Variants in TTC28 observed in about 807,000 individuals in gnomAD.
TTC28 encodes tetratricopeptide repeat protein 28.
In TTC28, 61 loss-of-function variants were observed where a neutral mutation model predicts 198.0. That is an observed-to-expected ratio of 0.31 (90% confidence interval 0.25 to 0.38). TTC28 has a LOEUF of 0.38. TTC28 is among the 10% of genes least tolerant of loss of function. The pLI is 1.00. For synonymous variants in TTC28, 1,171 were observed against 1,297.8 expected (o/e 0.90, Z 2.10); for missense variants, 2,678 against 3,164.0 (o/e 0.85, Z 3.69).
At chr22:28,093,382 A>T (rs1261686967) in intron 12 of TTC28, among the ~76,000 whole-genome samples, 1 of 152,222 alleles carries the variant, frequency 6.6e-6, no homozygotes, top group Non-Finnish European at 1.5e-5. Flanking sequence ...TCTGACACAC[A>T]GATCTTCCGA....
chr22:28,559,725 T>C (rs1453306535), intron 2 of TTC28, among the ~76,000 whole-genome samples: 2 of 152,212 alleles, frequency 1.3e-5, no homozygotes, highest in Non-Finnish European at 1.5e-5. Context: ...TCTCCAGTTT[T>C]TTCTCTTACC....
chr22:28,518,637 G>A (rs1037765402), intron 2 of TTC28, among the ~76,000 whole-genome samples: 5 of 151,998 alleles, frequency 3.3e-5, no homozygotes, highest in Admixed American at 3.3e-4. Context: ...TACTATATAA[G>A]GCTAAATAAG....
intron 2 of TTC28, among the ~76,000 whole-genome samples, chr22:28,351,367 C>A (rs1019459177): frequency 2.0e-5 from 3 of 151,930 alleles, no homozygotes; most frequent in African/African-American, 7.3e-5. Flanking sequence ...AAAATACTAC[C>A]AAAACAAAAA....
intron 5 of TTC28, among the ~76,000 whole-genome samples, chr22:28,203,984 C>T (rs1310550670): frequency 6.6e-6 from 1 of 152,098 alleles, no homozygotes; most frequent in Non-Finnish European, 1.5e-5. Context: ...TTGTTAATAC[C>T]TTGATCCCAC....
chr22:28,296,377 ATGTTATTT>A, intron 4 of TTC28, 49 bp from the exon 5 acceptor site: 1 of 1,438,622 alleles, frequency 7.0e-7, no homozygotes, highest in Non-Finnish European at 9.2e-7. Context: ...CTAAGTTATA[ATGTTATTT>A]ATAACATATA....
At chr22:28,154,469 A>T (rs1943703384) in intron 6 of TTC28, among the ~76,000 whole-genome samples, 1 of 151,190 alleles carries the variant, frequency 6.6e-6, no homozygotes, top group Non-Finnish European at 1.5e-5. Context: ...CTCCTGCCTC[A>T]GCCTCTGAGT....
At chr22:28,046,881 AC>A (rs1358782398) in intron 12 of TTC28, among the ~76,000 whole-genome samples, 16 of 152,142 alleles carry the variant, frequency 1.1e-4, no homozygotes, top group Admixed American at 6.5e-5. Context: ...GTGTGTGTGC[AC>A]CTCTTTAACG....
At chr22:28,285,819 C>T (rs1003361695) in intron 5 of TTC28, among the ~76,000 whole-genome samples, 4 of 152,024 alleles carry the variant, frequency 2.6e-5, no homozygotes, top group African/African-American at 9.7e-5. Context: ...TACAAAGAGA[C>T]TTATATATGG....
intron 14 of TTC28, among the ~76,000 whole-genome samples, chr22:28,010,926 G>T (rs1198046646): frequency 6.6e-6 from 1 of 152,194 alleles, no homozygotes; most frequent in Admixed American, 6.5e-5. Flanking sequence ...ACGTGTACCA[G>T]GCCTTGTAAC....
intron 12 of TTC28, among the ~76,000 whole-genome samples, chr22:28,069,984 T>G (rs1036884220): frequency 6.6e-6 from 1 of 151,236 alleles, no homozygotes; most frequent in African/African-American, 2.4e-5. Context: ...CCCTTGTTCT[T>G]TTCCATTGTA....
At chr22:28,089,573 G>C (rs551279589) in intron 12 of TTC28, among the ~76,000 whole-genome samples, 150 of 151,368 alleles carry the variant, frequency 9.9e-4, no homozygotes, top group Middle Eastern at 3.4e-3. Flanking sequence ...TTAATGACGA[G>C]TTACTGGGTG....
At chr22:28,332,669 C>G (rs941187049) in intron 2 of TTC28, among the ~76,000 whole-genome samples, 1 of 152,036 alleles carries the variant, frequency 6.6e-6, no homozygotes, top group African/African-American at 2.4e-5. Context: ...AGCAATGAAA[C>G]AGAAATACTC....
chr22:28,009,485 C>G (rs1938053800), intron 14 of TTC28, among the ~76,000 whole-genome samples: 1 of 152,226 alleles, frequency 6.6e-6, no homozygotes. Context: ...AGCTCTGGAG[C>G]CGGCTAGCGG....
chr22:28,256,739 C>CA (rs1366914891), intron 5 of TTC28, among the ~76,000 whole-genome samples: 1 of 151,968 alleles, frequency 6.6e-6, no homozygotes, highest in African/African-American at 2.4e-5. Flanking sequence ...CAACAAAAAG[C>CA]AAAAAAACAG....
At chr22:28,152,726 A>T (rs1601392534) in intron 6 of TTC28, among the ~76,000 whole-genome samples, 2 of 152,210 alleles carry the variant, frequency 1.3e-5, no homozygotes, top group South Asian at 2.1e-4. Flanking sequence ...AAAGGAAAAC[A>T]TCTGGTTAGT....
chr22:28,634,573 A>C (rs2051234765), intron 1 of TTC28, among the ~76,000 whole-genome samples: 1 of 149,202 alleles, frequency 6.7e-6, no homozygotes, highest in Non-Finnish European at 1.5e-5. Flanking sequence ...ATAACTTCCC[A>C]AGTCCTTTTC....
intron 5 of TTC28, among the ~76,000 whole-genome samples, chr22:28,199,383 T>TTATATATACATATA (rs1925680552): frequency 1.7e-5 from 2 of 118,500 alleles, no homozygotes; most frequent in Non-Finnish European, 3.4e-5. Flanking sequence ...ACATTAAAAA[T>TTATATATACATATA]TATATATATA....
intron 5 of TTC28, among the ~76,000 whole-genome samples, chr22:28,243,689 A>T (rs1929863992): frequency 6.6e-6 from 1 of 152,146 alleles, no homozygotes; most frequent in Non-Finnish European, 1.5e-5. Flanking sequence ...TCACTGCTTT[A>T]GTGGCATGTG....
intron 2 of TTC28, among the ~76,000 whole-genome samples, chr22:28,412,670 G>A (rs934996935): frequency 1.1e-4 from 17 of 152,154 alleles, no homozygotes; most frequent in African/African-American, 4.1e-4. Context: ...TTTAGTGCCA[G>A]CTCTGCTCTC....
Sources: gnomAD v4.1 joint callset for allele counts (sites outside exome capture counted in the v4.1 genomes callset) on GRCh38, gnomAD v4.1.1 for gene constraint, MANE v1.5 for transcripts, NCBI Gene and HGNC (gene_info 2026-07-23, HGNC 2026-07-21) for gene names.